The following SPTBN4 variants were observed in gnomAD, a reference collection of about 807,000 sequenced individuals.
SPTBN4 encodes the protein spectrin beta chain, non-erythrocytic 4.
A neutral mutation model predicts 277.8 loss-of-function variants in SPTBN4; 96 were observed. The ratio of observed to expected loss-of-function variants is 0.35; its 90% CI spans 0.29 to 0.41. SPTBN4 has a LOEUF of 0.41. SPTBN4 is among the 10% of genes least tolerant of loss of function. SPTBN4 has a pLI of 1.00. For missense variants in SPTBN4, 3,006 were observed against 3,595.7 expected (o/e 0.84, Z 4.19); for synonymous variants, 1,481 against 1,580.3 (o/e 0.94, Z 1.49).
Position 40,570,582 on chromosome 19 carries a change from G to A in SPTBN4, c.7173G>A (p.Glu2391=), listed in dbSNP as rs1414560329. Residue 2391 remains glutamate (E), a synonymous_variant, in exon 33 of 36, where the codon GAG becomes GAA. Coordinates refer to ENST00000598249, the MANE Select transcript of SPTBN4 (RefSeq NM_020971.3). Reference sequence around the variant, plus strand: ...GGCCGCGGCCCAGAGAGGGTGGTGAGGGCGGGGGAAGCCGGCGCTCGCGCT... The same window carrying A: ...GGCCGCGGCCCAGAGAGGGTGGTGAAGGCGGGGGAAGCCGGCGCTCGCGCT... The part of the protein sequence containing the change: ...RRRPRPREGG[E]GGGSRRSRSA... 4 of 1,375,510 alleles carry A rather than the reference G, an allele frequency of 2.9e-6. No individual in the cohort carries two copies. The African/African-American group carries it at 6.1e-5, about 21-fold the overall frequency. 85.2% of individuals were successfully genotyped at this position (1,375,510 alleles called of 1,614,324 possible).
Position 40,568,157 on chromosome 19 carries a change from G to T in SPTBN4, c.6831G>T (p.Ala2277=). ...GGCAGGAGTCAGCGGAGCACGAGGC[G>T]GCACACAGCCTTACCCTGGGCCGCT... ...PERQESAEHE[A]AHSLTLGRYE... The change falls in exon 31 of 36, where the codon GCG becomes GCT. Residue 2277 remains alanine, a synonymous_variant. Coordinates refer to ENST00000598249, the MANE Select transcript of SPTBN4 (RefSeq NM_020971.3). 1.3e-6 allele frequency: 2 copies of T among 1,581,462 alleles called. No individual in the cohort carries two copies. The highest frequency in any genetic ancestry group is 1.3e-5 in the African/African-American group (1 of 74,452).
chr19:40,574,221 T>G (rs1379762234), intron 35 of SPTBN4, among the ~76,000 whole-genome samples: 1 of 152,122 alleles, frequency 6.6e-6, no homozygotes, highest in Non-Finnish European at 1.5e-5. Flanking sequence ...GGAGAGCGCA[T>G]GGCTGGGCCA....
chr19:40,570,453 A>G lies in SPTBN4; in HGVS notation c.7044A>G (p.Pro2348=). The G allele has an allele frequency of 6.4e-7, 1 of 1,561,586 alleles. No individual in the cohort carries two copies. The highest frequency in any genetic ancestry group is 8.6e-7 in the Non-Finnish European group (1 of 1,162,842). Residue 2348 remains proline (P), a synonymous_variant, in exon 33 of 36, where the codon CCA becomes CCG. Coordinates refer to ENST00000598249, the MANE Select transcript of SPTBN4 (RefSeq NM_020971.3). The part of the protein sequence containing the change: ...GLPAGPSLPQ[P]RELPPGRLPN... ...TCACACAGCCGTCGCTGCCTCAGCCACGCGAGCTTCCCCCAGGTCGCCTGC... is the reference window on the plus strand; with the variant it reads ...TCACACAGCCGTCGCTGCCTCAGCCGCGCGAGCTTCCCCCAGGTCGCCTGC...
chr19:40,570,395 T>G, intron 32 of SPTBN4, 41 bp from the exon 33 acceptor site: 1 of 1,421,366 alleles, frequency 7.0e-7, no homozygotes, highest in Non-Finnish European at 9.2e-7. Context: ...CCCCACACCC[T>G]CTCCATGGAC....
Position 40,557,015 on chromosome 19 carries a change from G to C in SPTBN4, c.5290-8G>C, listed in dbSNP as rs1198825096. The C allele has an allele frequency of 7.0e-7, 1 of 1,432,792 alleles. No homozygotes were observed. Among genetic ancestry groups the C allele is most frequent in the African/African-American group, 1.4e-5 (1 of 69,342 alleles). The allele number at this position is 1,432,792 out of a possible 1,614,324, so 88.8% of individuals were successfully genotyped here. ...TGCTGTACCCCCCCCCCCACTTCCTGATGGCAGGTGCTGCAGGAGAAATTC... is the reference window on the plus strand; with the variant it reads ...TGCTGTACCCCCCCCCCCACTTCCTCATGGCAGGTGCTGCAGGAGAAATTC... On this transcript the variant is annotated splice_polypyrimidine_tract_variant and splice_region_variant and intron_variant, in intron 25 of 35. Coordinates refer to ENST00000598249, the MANE Select transcript of SPTBN4 (RefSeq NM_020971.3).
At chr19:40,553,091 C>T (rs2080936713) in intron 22 of SPTBN4, among the ~76,000 whole-genome samples, 1 of 152,146 alleles carries the variant, frequency 6.6e-6, no homozygotes. Flanking sequence ...TGTTGTCTGG[C>T]TCCATAGGTT....
At chr19:40,514,512 A>C (rs909295491) in intron 14 of SPTBN4, among the ~76,000 whole-genome samples, 1 of 152,194 alleles carries the variant, frequency 6.6e-6, no homozygotes, top group Admixed American at 6.5e-5. Context: ...CGATTTTCCA[A>C]AACAAAGCCC....
intron 17 of SPTBN4, among the ~76,000 whole-genome samples, chr19:40,525,773 C>T (rs893858039): frequency 3.3e-5 from 5 of 152,132 alleles, no homozygotes; most frequent in African/African-American, 1.2e-4. Context: ...CCAGAATGCT[C>T]GGGGCTGGGA....
At chr19:40,541,273 A>C (rs1305251555) in intron 20 of SPTBN4, among the ~76,000 whole-genome samples, 1 of 152,174 alleles carries the variant, frequency 6.6e-6, no homozygotes, top group East Asian at 1.9e-4. Flanking sequence ...CCATTGTTCA[A>C]GGGAGGGGCT....
At chr19:40,479,938 CAA>C (rs778676713) in intron 2 of SPTBN4, among the ~76,000 whole-genome samples, 2 of 135,410 alleles carry the variant, frequency 1.5e-5, no homozygotes, top group Admixed American at 7.6e-5. Flanking sequence ...CCCGTCTCTA[CAA>C]AAAAAAAAAA....
chr19:40,544,229 G>A (rs887717213), intron 20 of SPTBN4, among the ~76,000 whole-genome samples: 1 of 149,156 alleles, frequency 6.7e-6, no homozygotes, highest in Non-Finnish European at 1.5e-5. Context: ...TGCAACCTCC[G>A]CCTCCCGGGT....
intron 13 of SPTBN4, 140 bp from the exon 14 acceptor site, chr19:40,512,466 A>C (rs2080401141): frequency 5.3e-6 from 6 of 1,133,184 alleles, no homozygotes; most frequent in Non-Finnish European, 7.1e-6. Context: ...GGTGTCAGGG[A>C]AGGCTGCCTG....
intron 18 of SPTBN4, among the ~76,000 whole-genome samples, chr19:40,532,230 G>A (rs2080683607): frequency 6.6e-6 from 1 of 151,808 alleles, no homozygotes; most frequent in Non-Finnish European, 1.5e-5. Flanking sequence ...GTTGCTATGG[G>A]AGGGGTGGTC....
intron 3 of SPTBN4, among the ~76,000 whole-genome samples, chr19:40,489,228 A>AAAAAAAAAG (rs781378644): frequency 7.1e-6 from 1 of 141,650 alleles, no homozygotes; most frequent in African/African-American, 2.8e-5. Flanking sequence ...AAAAAAAAAA[A>AAAAAAAAAG]AAAGAAAGAA....
rs1599759827 is a variant in SPTBN4 at position 40,520,170 on chromosome 19, C to T, written c.3654+19C>T. On this transcript the variant is annotated intron_variant, in intron 16 of 35. Coordinates refer to ENST00000598249, the MANE Select transcript of SPTBN4 (RefSeq NM_020971.3). Reference sequence around the variant, plus strand: ...TAACCAGGTGCCCACTCGGGGTGTACATTTCGGAGAGGGAGAGTCCGAGGC... The same window carrying T: ...TAACCAGGTGCCCACTCGGGGTGTATATTTCGGAGAGGGAGAGTCCGAGGC... 4 of 1,371,846 alleles carry T rather than the reference C, an allele frequency of 2.9e-6. No individual in the cohort carries two copies. The highest frequency in any genetic ancestry group is 3.8e-6 in the Non-Finnish European group (4 of 1,062,972). The allele number at this position is 1,371,846 out of a possible 1,614,324, so 85.0% of individuals were successfully genotyped here.
intron 12 of SPTBN4, 24 bp from the exon 13 acceptor site, chr19:40,506,212 G>A: frequency 6.3e-7 from 1 of 1,598,366 alleles, no homozygotes; most frequent in Non-Finnish European, 8.5e-7. Context: ...CCAGAGGTGT[G>A]CTCAGTGCTG....
At chr19:40,517,118 C>T (rs1468445243) in intron 15 of SPTBN4, among the ~76,000 whole-genome samples, 1 of 152,128 alleles carries the variant, frequency 6.6e-6, no homozygotes, top group African/African-American at 2.4e-5. Context: ...AGCTGTTTAT[C>T]TAATATATCC....
At chr19:40,497,731 C>G (rs1045062225) in intron 7 of SPTBN4, 127 bp downstream of exon 7, 1 of 736,304 alleles carries the variant, frequency 1.4e-6, no homozygotes, top group East Asian at 2.6e-5. Flanking sequence ...AATCCCAACT[C>G]TTTCCAAATC....
Position 40,519,991 on chromosome 19 carries a change from G to A in SPTBN4, c.3494G>A (p.Gly1165Asp). 1 of 1,560,814 alleles carries A rather than the reference G, an allele frequency of 6.4e-7. No individual in the cohort carries two copies. The highest frequency in any genetic ancestry group is 8.6e-7 in the Non-Finnish European group (1 of 1,158,574). Residue 1165 changes from glycine to aspartate, a missense_variant, in exon 16 of 36, where the codon GGC becomes GAC. Gly to Asp is a moderately conservative substitution (Grantham distance 94). Around this residue, in one of 5 missense-constraint regions of SPTBN4, gnomAD observed 1,759 missense variants for 2,061.5 expected, o/e 0.85. Transcript: ENST00000598249. The surrounding 1 kb of genome is among the most constrained non-coding windows in gnomAD (Gnocchi z 5.7). ...ALLAADGAEL[G>D]PGLALDEWLP... ...CTGGCCGCCGACGGCGCAGAGCTGG[G>A]CCCGGGCCTGGCACTAGACGAGTGG...
Sources: gnomAD v4.1 joint callset for allele counts (sites outside exome capture counted in the v4.1 genomes callset) on GRCh38, gnomAD v4.1.1 for gene constraint, gnomAD v4.1.1 regional missense constraint, Gnocchi (gnomAD v3.1) non-coding constraint, MANE v1.5 for transcripts, NCBI Gene and HGNC (gene_info 2026-07-23, HGNC 2026-07-21) for gene names.